NRXN3: variants seen among roughly 807,000 people sequenced by gnomAD.
NRXN3 encodes neurexin III.
Under a neutral mutation model 137.6 loss-of-function variants are expected in NRXN3, and 32 were observed. The ratio of observed to expected loss-of-function variants is 0.23; its 90% CI spans 0.18 to 0.31. The LOEUF is 0.31. Ranked by LOEUF, NRXN3 falls within the 10% of genes least tolerant of loss-of-function variation. The pLI is 1.00. For missense variants in NRXN3, 1,574 were observed against 2,062.5 expected, an observed-to-expected ratio of 0.76 and a Z score of 4.59; for synonymous variants, 798 against 784.5, an observed-to-expected ratio of 1.02 and a Z score of -0.29.
At chr14:79,797,229 A>T (rs1177925048) in intron 19 of NRXN3, among the ~76,000 whole-genome samples, 1 of 152,186 alleles carries the variant, frequency 6.6e-6, no homozygotes, top group African/African-American at 2.4e-5. Flanking sequence ...GCTCAGGGTG[A>T]TTCTCTTTAA....
At position 78,943,614 on chromosome 14, in the gene NRXN3, AAAAAAAAATATATATATATATATATAT is replaced by A. The variant is rs1412370429; in HGVS notation, c.2276-13626_2276-13600del. On this transcript the variant is annotated intron_variant, in intron 10 of 20. Coordinates refer to ENST00000335750, the MANE Select transcript of NRXN3 (RefSeq NM_001330195.2). ...GAAAAGAAGCAAGATCACTGTTAAA[AAAAAAAAATATATATATATATATATAT>A]ATATATATATATATATATATATATA... Among the ~76,000 whole-genome samples the A allele has an allele frequency of 2.0e-3, 90 of 44,150 alleles. 2 individuals are homozygous for A. The highest frequency in any genetic ancestry group is 2.3e-3 in the Non-Finnish European group (53 of 23,424). The allele number at this position is 44,150 out of a possible 152,430, so 29.0% of individuals were successfully genotyped here.
intron 15 of NRXN3, among the ~76,000 whole-genome samples, chr14:79,465,675 G>T (rs1182873656): frequency 6.6e-6 from 1 of 152,152 alleles, no homozygotes; most frequent in Non-Finnish European, 1.5e-5. Flanking sequence ...ACTAGCTCTG[G>T]AAATACATGC....
chr14:79,417,925 A>G lies in NRXN3; in HGVS notation c.3263-49296A>G, dbSNP rs186851613. 3.8e-3 allele frequency among the ~76,000 whole-genome samples: 577 copies of G among 151,964 alleles called. 5 individuals are homozygous for G. Among genetic ancestry groups the G allele is most frequent in the African/African-American group, 0.013 (547 of 41,494 alleles). On this transcript the variant is annotated intron_variant, in intron 15 of 20. Transcript: ENST00000335750. ...GAGTGGAGACTTTATTAACAAAGGT[A>G]GGTTTGGAGCACTCAACAGAAGCGT...
intron 15 of NRXN3, among the ~76,000 whole-genome samples, chr14:79,250,878 G>T (rs528033150): frequency 6.6e-6 from 1 of 152,070 alleles, no homozygotes; most frequent in East Asian, 1.9e-4. Context: ...TTAAAAGAAA[G>T]AATCATTTTA....
chr14:78,607,386 A>G (rs1265757705), intron 4 of NRXN3, among the ~76,000 whole-genome samples: 1 of 152,046 alleles, frequency 6.6e-6, no homozygotes, highest in Non-Finnish European at 1.5e-5. Context: ...AGGTGTAAGA[A>G]CTCAGGCAGG....
intron 4 of NRXN3, among the ~76,000 whole-genome samples, chr14:78,491,313 T>A (rs2095662694): frequency 1.6e-5 from 1 of 64,166 alleles, no homozygotes; most frequent in South Asian, 5.1e-4. Context: ...GATGAGATTC[T>A]GGTCAAGTCC....
intron 19 of NRXN3, among the ~76,000 whole-genome samples, chr14:79,764,599 C>A (rs2099050001): frequency 6.6e-6 from 1 of 152,056 alleles, no homozygotes; most frequent in African/African-American, 2.4e-5. Flanking sequence ...TGTTTTCTTT[C>A]TTTTCTTCTA....
intron 14 of NRXN3, among the ~76,000 whole-genome samples, chr14:78,968,723 T>A (rs2099428668): frequency 6.6e-6 from 1 of 152,196 alleles, no homozygotes. Flanking sequence ...AAACCAGAGA[T>A]TTTATGTAGA....
intron 19 of NRXN3, among the ~76,000 whole-genome samples, chr14:79,752,784 C>G (rs1287868846): frequency 6.6e-6 from 1 of 151,920 alleles, no homozygotes; most frequent in Non-Finnish European, 1.5e-5. Context: ...AACAGGCAAC[C>G]TACAAAATGG....
intron 10 of NRXN3, among the ~76,000 whole-genome samples, chr14:78,912,991 T>C (rs1012887687): frequency 6.6e-6 from 1 of 152,110 alleles, no homozygotes; most frequent in Admixed American, 6.6e-5. Context: ...GCCCCTACTA[T>C]GCCCTAGATA....
intron 4 of NRXN3, among the ~76,000 whole-genome samples, chr14:78,445,746 C>T (rs1310732045): frequency 1.3e-5 from 2 of 152,156 alleles, no homozygotes; most frequent in Non-Finnish European, 2.9e-5. Context: ...CTTTTGGATT[C>T]CAGTTTCTCT....
chr14:79,347,345 G>A (rs950484785), intron 15 of NRXN3, among the ~76,000 whole-genome samples: 5 of 151,514 alleles, frequency 3.3e-5, no homozygotes, highest in Non-Finnish European at 7.4e-5. Context: ...TAAACTGCCT[G>A]ATAAAGTGAT....
At chr14:79,695,640 A>G (rs1179588606) in intron 18 of NRXN3, among the ~76,000 whole-genome samples, 3 of 111,972 alleles carry the variant, frequency 2.7e-5, no homozygotes, top group African/African-American at 1.3e-4. Flanking sequence ...GCTTCCAGAA[A>G]AAAAAAAAAA....
intron 15 of NRXN3, among the ~76,000 whole-genome samples, chr14:79,309,813 T>C (rs1191434944): frequency 2.1e-5 from 3 of 143,834 alleles, no homozygotes; most frequent in African/African-American, 8.3e-5. Context: ...TTTGAGTTCA[T>C]TGTAGATTCT....
At chr14:79,544,301 G>A (rs2097299895) in intron 16 of NRXN3, among the ~76,000 whole-genome samples, 1 of 152,162 alleles carries the variant, frequency 6.6e-6, no homozygotes, top group Non-Finnish European at 1.5e-5. Context: ...CCTTTGAAAA[G>A]TTTATAAGTT....
At chr14:78,936,865 G>T (rs1381219948) in intron 10 of NRXN3, among the ~76,000 whole-genome samples, 2 of 151,940 alleles carry the variant, frequency 1.3e-5, no homozygotes, top group African/African-American at 4.8e-5. Context: ...TCATGCCTTT[G>T]GTCTCTCATC....
chr14:78,438,367 G>C lies in NRXN3; in HGVS notation c.757+140507G>C, dbSNP rs528353978. Among the ~76,000 whole-genome samples, 301 of 152,236 alleles carry C rather than the reference G, an allele frequency of 2.0e-3. 1 individual carries two copies. Among genetic ancestry groups the C allele is most frequent in the South Asian group, 8.3e-3 (40 of 4,818 alleles). On this transcript the variant is annotated intron_variant, in intron 4 of 20. Transcript: ENST00000335750. Reference sequence around the variant, plus strand: ...AGTTTGGTGTCCTGTCAACACTAGGGGTGGTATGTGACCTGTGCAGTGGGT... The same window carrying C: ...AGTTTGGTGTCCTGTCAACACTAGGCGTGGTATGTGACCTGTGCAGTGGGT...
chr14:78,314,934 TCTTTCTTTCTTCCTTC>T (rs2078459071), intron 4 of NRXN3, among the ~76,000 whole-genome samples: 3 of 99,228 alleles, frequency 3.0e-5, no homozygotes, highest in East Asian at 3.4e-4. Flanking sequence ...TTTCTTTCTT[TCTTTCTTTCTTCCTTC>T]CTTCCTTCCT....
intron 4 of NRXN3, among the ~76,000 whole-genome samples, chr14:78,317,254 C>T (rs1329564842): frequency 1.3e-5 from 2 of 152,130 alleles, no homozygotes; most frequent in East Asian, 3.9e-4. Flanking sequence ...CAGGAGTCTC[C>T]AACCCCCAGG....
Sources: allele counts gnomAD v4.1 joint callset (sites outside exome capture counted in the v4.1 genomes callset), GRCh38; gene constraint gnomAD v4.1.1; transcripts MANE v1.5; gene names NCBI Gene and HGNC (gene_info 2026-07-23, HGNC 2026-07-21).